CEP131: variants seen among roughly 807,000 people sequenced by gnomAD.
CEP131 encodes the protein centrosomal protein 131, also known as centrosomal protein of 131 kDa.
In CEP131, 99 loss-of-function variants were observed where a neutral mutation model predicts 136.8. The ratio of observed to expected loss-of-function variants is 0.72; its 90% CI spans 0.62 to 0.86. The LOEUF is 0.86. Ranked by LOEUF, CEP131 falls within the 40% of genes least tolerant of loss-of-function variation. The pLI, the probability that CEP131 is intolerant of heterozygous loss-of-function variation, is 0.00. For missense variants in CEP131, 1,459 were observed against 1,463.0 expected (o/e 1.00, Z 0.04); for synonymous variants, 646 against 612.7 (o/e 1.05, Z -0.80).
Position 81,198,244 on chromosome 17 carries a change from G to A in CEP131, c.1341C>T (p.Ser447=). The A allele has an allele frequency of 1.2e-6, 2 of 1,603,630 alleles. No individual in the cohort carries two copies. Among genetic ancestry groups the A allele is most frequent in the Non-Finnish European group, 1.7e-6 (2 of 1,175,266 alleles). The change falls in exon 12 of 26, where the codon AGC becomes AGT. Residue 447 remains serine, a synonymous_variant. Coordinates refer to ENST00000450824, the MANE Select transcript of CEP131 (RefSeq NM_014984.4). Reference sequence around the variant, plus strand: ...GCCCCCTGGACTTGGCGCTCCCCCTGCTCGGGGCCATCATCTCCAGGTTGT... The same window carrying A: ...GCCCCCTGGACTTGGCGCTCCCCCTACTCGGGGCCATCATCTCCAGGTTGT... ...AGDNLEMMAP[S]RGSAKSRGPL... is the part of the protein sequence containing the mutation.
At position 81,196,148 on chromosome 17, in the gene CEP131, G is replaced by A. The variant is rs577950083; in HGVS notation, c.1900-197C>T. The stretch of plus-strand genomic sequence containing the variant: ...ACACGGGCCCAGGCCTGCATCCGCC[G>A]TCCTGTCCTCAGCTGGGGGACCCGG... On this transcript the variant is annotated intron_variant, in intron 15 of 25. Transcript: ENST00000450824. 4.6e-5 allele frequency among the ~76,000 whole-genome samples: 7 copies of A among 152,300 alleles called. 1 individual carries two copies. The South Asian group carries it at 8.3e-4, about 18-fold the overall frequency.
chr17:81,211,104 G>A (rs1442165372), intron 2 of CEP131, among the ~76,000 whole-genome samples: 1 of 152,228 alleles, frequency 6.6e-6, no homozygotes, highest in Non-Finnish European at 1.5e-5. Flanking sequence ...ATACCTTCCA[G>A]ACCAGGCTAC....
intron 16 of CEP131, among the ~76,000 whole-genome samples, 174 bp from the exon 17 acceptor site, chr17:81,195,146 C>G (rs570377784): frequency 6.6e-6 from 1 of 151,390 alleles, no homozygotes; most frequent in African/African-American, 2.4e-5. Flanking sequence ...CGCCCGGGGC[C>G]AGGCTGGAGG....
intron 13 of CEP131, 131 bp from the exon 14 acceptor site, chr17:81,197,186 CG>C: frequency 1.5e-6 from 2 of 1,356,604 alleles, no homozygotes; most frequent in Non-Finnish European, 1.9e-6. Flanking sequence ...CGTGGGAAGC[CG>C]GAGGGCAGGT....
Position 81,194,890 on chromosome 17 carries a change from ATCT to A in CEP131, c.2096_2098del (p.Lys699del), listed in dbSNP as rs748769994. The A allele has an allele frequency of 1.9e-6, 3 of 1,611,800 alleles. No homozygotes were observed. Among genetic ancestry groups the A allele is most frequent in the Middle Eastern group, 1.7e-4 (1 of 6,050 alleles). ...CCCACCTCGGACAGTGACCTCCTTGATCTTCTTGGTTTTCTCACTGATCCACTT... is the reference window on the plus strand; with the variant it reads ...CCCACCTCGGACAGTGACCTCCTTGATCTTGGTTTTCTCACTGATCCACTT... On this transcript the variant is annotated inframe_deletion, in exon 17 of 26. Transcript: ENST00000450824.
intron 2 of CEP131, among the ~76,000 whole-genome samples, chr17:81,213,237 C>T (rs895197185): frequency 6.6e-6 from 1 of 152,138 alleles, no homozygotes; most frequent in Non-Finnish European, 1.5e-5. Context: ...TAAATATCCA[C>T]GAGTCCATTA....
At chr17:81,207,739 GA>G (rs1160115951) in intron 3 of CEP131, among the ~76,000 whole-genome samples, 1 of 151,780 alleles carries the variant, frequency 6.6e-6, no homozygotes, top group Non-Finnish European at 1.5e-5. Context: ...GCTCAGAGCA[GA>G]AGGGGAAGCA....
At chr17:81,220,190 G>T (rs2062355890) in intron 1 of CEP131, 117 bp from the exon 2 acceptor site, 1 of 865,578 alleles carries the variant, frequency 1.2e-6, no homozygotes, top group Non-Finnish European at 1.6e-6. Context: ...TCCTGGGAAG[G>T]CCTGTCACAA....
rs142518740 is a variant in CEP131 at position 81,198,140 on chromosome 17, C to T, written c.1445G>A (p.Arg482Lys). 2.9e-5 allele frequency: 45 copies of T among 1,573,310 alleles called. 1 individual carries two copies. The highest frequency in any genetic ancestry group is 3.1e-5 in the Non-Finnish European group (36 of 1,159,890). The change falls in exon 12 of 26, where the codon AGG becomes AAG. Residue 482 changes from arginine (R) to lysine (K), a missense_variant. Transcript: ENST00000450824. The part of the protein sequence containing the change: ...DVLPRPRTHH[R>K]GRYAWASEED... ...CTCGCTGGCCCAGGCGTATCTGCCC[C>T]TGTGATGGGTCCTGGGGCGGGGCAG... is the stretch of plus-strand genomic sequence containing the variant.
At chr17:81,213,746 G>C (rs544450383) in intron 2 of CEP131, among the ~76,000 whole-genome samples, 1 of 152,242 alleles carries the variant, frequency 6.6e-6, no homozygotes, top group South Asian at 2.1e-4. Flanking sequence ...CAGTGGAGAA[G>C]CCTGACCCTC....
chr17:81,204,552 GCCTC>G (rs1364050592), intron 5 of CEP131, among the ~76,000 whole-genome samples: 8 of 152,018 alleles, frequency 5.3e-5, no homozygotes, highest in Admixed American at 5.2e-4. Context: ...AACTCCTAGG[GCCTC>G]CCTTTTAACA....
chr17:81,198,254 A>G lies in CEP131; in HGVS notation c.1331T>C (p.Met444Thr), dbSNP rs1441226619. 1 of 1,604,402 alleles carries G rather than the reference A, an allele frequency of 6.2e-7. No homozygotes were observed. Among genetic ancestry groups the G allele is most frequent in the Admixed American group, 1.7e-5 (1 of 59,418 alleles). ...CTTGGCGCTCCCCCTGCTCGGGGCC[A>G]TCATCTCCAGGTTGTCCCCAGCTGC... ...QDAAGDNLEM[M>T]APSRGSAKSR... The change falls in exon 12 of 26, where the codon ATG becomes ACG. Residue 444 changes from methionine to threonine, a missense_variant. Met to Thr is a moderately conservative substitution (Grantham distance 81, BLOSUM62 -1). This residue lies in a region of CEP131 where 1,026 missense variants were observed against 964.2 expected (regional missense o/e 1.06). Transcript: ENST00000450824.
In CEP131 at chr17:81,203,821, C is replaced by T. The variant is rs2061947373; in HGVS notation, c.516-214G>A. 1 of 559,582 alleles carries T rather than the reference C, an allele frequency of 1.8e-6. No homozygotes were observed. 34.7% of individuals were successfully genotyped at this position (559,582 alleles called of 1,614,324 possible). A position where few individuals can be genotyped will look rare whatever the true frequency, so the allele number is the denominator to read the frequency against. On this transcript the variant is annotated intron_variant, in intron 5 of 25. Coordinates refer to ENST00000450824, the MANE Select transcript of CEP131 (RefSeq NM_014984.4). This position sits in a 1 kb window ranked among gnomAD's most constrained non-coding sequence, Gnocchi z 4.6. ...CAGGACAGGAAAGCTGGACCAGGGGCTCCCACGGGGCAGGGGATAGAATCG... is the reference window on the plus strand; with the variant it reads ...CAGGACAGGAAAGCTGGACCAGGGGTTCCCACGGGGCAGGGGATAGAATCG...
At chr17:81,214,680 A>G (rs1033785418) in intron 2 of CEP131, among the ~76,000 whole-genome samples, 68 of 152,356 alleles carry the variant, frequency 4.5e-4, no homozygotes, top group African/African-American at 1.6e-3. Context: ...TGTGCCAACC[A>G]GAGCACGAGG....
At chr17:81,212,227 G>T (rs751930030) in intron 2 of CEP131, among the ~76,000 whole-genome samples, 5 of 151,412 alleles carry the variant, frequency 3.3e-5, no homozygotes, top group Non-Finnish European at 7.4e-5. Flanking sequence ...GGAGGCTGAG[G>T]CAGGAGAATC....
chr17:81,214,996 C>G (rs2062215099), intron 2 of CEP131, among the ~76,000 whole-genome samples: 1 of 151,772 alleles, frequency 6.6e-6, no homozygotes, highest in East Asian at 1.9e-4. Context: ...CCAGGATGGT[C>G]TCAATCTCCT....
rs369615704 is a variant in CEP131 at position 81,199,636 on chromosome 17, G to A, written c.1023+83C>T. Reference sequence around the variant, plus strand: ...AAGCTGCCCTGAGGCTAAGTGTCCCGGGGCCCAGGGAGCCCCAGCAGCAGC... The same window carrying A: ...AAGCTGCCCTGAGGCTAAGTGTCCCAGGGCCCAGGGAGCCCCAGCAGCAGC... On this transcript the variant is annotated intron_variant, in intron 9 of 25. Transcript: ENST00000450824. 1.8e-4 allele frequency: 292 copies of A among 1,594,848 alleles called. No homozygotes were observed. The East Asian group carries it at 5.4e-3, about 30-fold the overall frequency.
chr17:81,219,834 G>C lies in CEP131; in HGVS notation c.177+46C>G. On this transcript the variant is annotated intron_variant, in intron 2 of 25. Coordinates refer to ENST00000450824, the MANE Select transcript of CEP131 (RefSeq NM_014984.4). The surrounding 1 kb of genome is among the most constrained non-coding windows in gnomAD (Gnocchi z 4.0). Reference sequence around the variant, plus strand: ...GGGGTCAGATGCCAACTGAACAACAGCCCTCCAGGAGGCAGGGGCCCGGAC... The same window carrying C: ...GGGGTCAGATGCCAACTGAACAACACCCCTCCAGGAGGCAGGGGCCCGGAC... 1 of 1,495,792 alleles carries C rather than the reference G, an allele frequency of 6.7e-7. No individual in the cohort carries two copies. Among genetic ancestry groups the C allele is most frequent in the Non-Finnish European group, 9.0e-7 (1 of 1,115,082 alleles). 92.7% of individuals were successfully genotyped at this position (1,495,792 alleles called of 1,614,324 possible). A position where few individuals can be genotyped will look rare whatever the true frequency, so the allele number is the denominator to read the frequency against.
chr17:81,191,471 T>C (rs1269281881), intron 21 of CEP131, 136 bp from the exon 22 acceptor site: 9 of 759,406 alleles, frequency 1.2e-5, no homozygotes, highest in East Asian at 1.0e-4. Flanking sequence ...TCCAGACCCC[T>C]GTCCAGGGGT....
Sources: allele counts gnomAD v4.1 joint callset (sites outside exome capture counted in the v4.1 genomes callset), GRCh38; gene constraint gnomAD v4.1.1; regional missense constraint gnomAD v4.1.1; non-coding constraint Gnocchi (gnomAD v3.1); transcripts MANE v1.5; gene names NCBI Gene and HGNC (gene_info 2026-07-23, HGNC 2026-07-21).